TMEM240: variants seen among roughly 807,000 people sequenced by gnomAD.
TMEM240 encodes transmembrane protein C1orf70.
TMEM240 carries 3 observed loss-of-function variants against 19.5 expected under a neutral mutation model. That is an observed-to-expected ratio of 0.15 (90% CI 0.07 to 0.40). TMEM240 has a LOEUF of 0.40. Among genes scored for constraint, TMEM240 ranks in the 10% least tolerant of loss-of-function variants. The pLI is 1.00. For synonymous variants in TMEM240, 123 were observed against 109.3 expected, an observed-to-expected ratio of 1.13 and a Z score of -0.78; for missense variants, 210 against 253.5, an observed-to-expected ratio of 0.83 and a Z score of 1.17.
At chr1:1,539,581 G>T in intron 2 of TMEM240, 103 bp downstream of exon 2, 1 of 1,025,480 alleles carries the variant, frequency 9.8e-7, no homozygotes, top group Non-Finnish European at 1.4e-6. Context: ...AAGGGTGGAA[G>T]GCGGCTCGCG....
intron 2 of TMEM240, 30 bp downstream of exon 2, chr1:1,539,654 G>A: frequency 3.9e-6 from 6 of 1,529,650 alleles, no homozygotes; most frequent in Non-Finnish European, 5.3e-6. Flanking sequence ...GCGCTCACGC[G>A]TGTCGAGCCG....
chr1:1,536,698 T>C lies in TMEM240; in HGVS notation c.165-901A>G, dbSNP rs1642228659. 6.6e-6 allele frequency among the ~76,000 whole-genome samples: 1 copy of C among 152,042 alleles called. No individual in the cohort carries two copies. The highest frequency in any genetic ancestry group is 2.1e-4 in the South Asian group (1 of 4,830). On this transcript the variant is annotated intron_variant, in intron 2 of 3. Coordinates refer to ENST00000378733, the MANE Select transcript of TMEM240 (RefSeq NM_001114748.2). The surrounding 1 kb of genome is among the most constrained non-coding windows in gnomAD (Gnocchi z 5.4). ...GGTCTCCGGGCCTTGACTCTGCCGA[T>C]CGGACTGGCATCCCAGACAGTCAAC... is the stretch of plus-strand genomic sequence containing the variant.
At chr1:1,538,487 C>T (rs983998581) in intron 2 of TMEM240, among the ~76,000 whole-genome samples, 10 of 152,384 alleles carry the variant, frequency 6.6e-5, no homozygotes, top group African/African-American at 2.2e-4. Context: ...TGCGTGGAGG[C>T]CGCACCTTTC....
intron 2 of TMEM240, 192 bp downstream of exon 2, chr1:1,539,492 G>C: frequency 1.7e-6 from 1 of 590,434 alleles, no homozygotes; most frequent in Non-Finnish European, 3.0e-6. Flanking sequence ...TCTAGGAACG[G>C]CGTCCTAAAG....
At position 1,536,644 on chromosome 1, in the gene TMEM240, C is replaced by T. The variant is rs1423570744; in HGVS notation, c.165-847G>A. Among the ~76,000 whole-genome samples, 3 of 152,166 alleles carry T rather than the reference C, an allele frequency of 2.0e-5. No individual in the cohort carries two copies. Among genetic ancestry groups the T allele is most frequent in the Admixed American group, 1.3e-4 (2 of 15,290 alleles). ...GGCAACACAAGCTCCCCAAGGAGCT[C>T]GCCCCAGCAGCTCACCCTGTCCCAG... is the stretch of plus-strand genomic sequence containing the variant. On this transcript the variant is annotated intron_variant, in intron 2 of 3. Transcript: ENST00000378733. This position sits in a 1 kb window ranked among gnomAD's most constrained non-coding sequence, Gnocchi z 5.4.
rs1642232869 is a variant in TMEM240 at position 1,536,962 on chromosome 1, C to CA, written c.165-1166_165-1165insT. 1.3e-5 allele frequency among the ~76,000 whole-genome samples: 2 copies of CA among 152,072 alleles called. No individual in the cohort carries two copies. Among genetic ancestry groups the CA allele is most frequent in the Non-Finnish European group, 2.9e-5 (2 of 68,004 alleles). On this transcript the variant is annotated intron_variant, in intron 2 of 3. Transcript: ENST00000378733. This position sits in a 1 kb window ranked among gnomAD's most constrained non-coding sequence, Gnocchi z 5.4. ...GCAGCGCCTCAGCCTGGTTTTCAGC[C>CA]GAGACCCAGAGACCACCCCACCCTC...
chr1:1,539,387 G>T, intron 2 of TMEM240: 1 of 434,322 alleles, frequency 2.3e-6, no homozygotes. Flanking sequence ...GCTGGCTTGG[G>T]TCTCCACTGT....
chr1:1,537,685 C>T (rs1041103620), intron 2 of TMEM240, among the ~76,000 whole-genome samples: 1 of 152,220 alleles, frequency 6.6e-6, no homozygotes. Flanking sequence ...GTGTGTCCAC[C>T]TGAGGCCCAG....
chr1:1,539,381 G>C (rs560797151), intron 2 of TMEM240: 1 of 414,406 alleles, frequency 2.4e-6, no homozygotes, highest in South Asian at 2.4e-5. Context: ...GATGAGGCTG[G>C]CTTGGGTCTC....
In TMEM240 at chr1:1,540,348, G is replaced by A. The variant is rs759011408; in HGVS notation, c.-2C>T. ...CATGGTGTTCGCGCTCATGGACATC[G>A]GGCGGGGCCGGGCCGGGCCGGAGCG... On this transcript the variant is annotated 5_prime_UTR_variant, in exon 1 of 4. Coordinates refer to ENST00000378733, the MANE Select transcript of TMEM240 (RefSeq NM_001114748.2). The A allele has an allele frequency of 4.1e-6, 5 of 1,223,000 alleles. No individual in the cohort carries two copies. Among genetic ancestry groups the A allele is most frequent in the Middle Eastern group, 2.9e-4 (1 of 3,466 alleles). 75.8% of individuals were successfully genotyped at this position (1,223,000 alleles called of 1,614,324 possible).
Position 1,535,901 on chromosome 1 carries a change from T to C in TMEM240, c.165-104A>G, listed in dbSNP as rs1022838238. 3 of 488,990 alleles carry C rather than the reference T, an allele frequency of 6.1e-6. No homozygotes were observed. Among genetic ancestry groups the C allele is most frequent in the Non-Finnish European group, 1.1e-5 (3 of 272,864 alleles). 30.3% of individuals were successfully genotyped at this position (488,990 alleles called of 1,614,324 possible). A position where few individuals can be genotyped will look rare whatever the true frequency, so the allele number is the denominator to read the frequency against. On this transcript the variant is annotated intron_variant, in intron 2 of 3. Coordinates refer to ENST00000378733, the MANE Select transcript of TMEM240 (RefSeq NM_001114748.2). The surrounding 1 kb of genome is among the most constrained non-coding windows in gnomAD (Gnocchi z 8.2). ...GGGGTGTGACCGCGTCAGGCCGCCC[T>C]GGGGGTTCTCTGAAGCAGCCTCTTG...
Position 1,535,919 on chromosome 1 carries a change from G to C in TMEM240, c.165-122C>G. ...GCCGCCCTGGGGGTTCTCTGAAGCA[G>C]CCTCTTGGGCGGGCGGGTCGGGAAG... On this transcript the variant is annotated intron_variant, in intron 2 of 3. Transcript: ENST00000378733. This position sits in a 1 kb window ranked among gnomAD's most constrained non-coding sequence, Gnocchi z 8.2. 19 of 425,968 alleles carry C rather than the reference G, an allele frequency of 4.5e-5. No individual in the cohort carries two copies. Among genetic ancestry groups the C allele is most frequent in the East Asian group, 1.3e-4 (2 of 15,140 alleles). 26.4% of individuals were successfully genotyped at this position (425,968 alleles called of 1,614,324 possible).
chr1:1,537,944 A>C (rs1281214449), intron 2 of TMEM240, among the ~76,000 whole-genome samples: 1 of 152,212 alleles, frequency 6.6e-6, no homozygotes, highest in Admixed American at 6.5e-5. Context: ...CTCCACGTCA[A>C]CGTCTACGTA....
chr1:1,539,768 A>C lies in TMEM240; in HGVS notation c.80T>G (p.Met27Arg). ...VVMAIACLMD[M>R]NALLDRFHNY... ...GTGGAATCGGTCCAGCAGCGCGTTCATGTCCATCAAGCACGCGATGGCCTG... is the reference window on the plus strand; with the variant it reads ...GTGGAATCGGTCCAGCAGCGCGTTCCTGTCCATCAAGCACGCGATGGCCTG... Residue 27 changes from methionine to arginine, a missense_variant, in exon 2 of 4, where the codon ATG becomes AGG. This residue lies in a region of TMEM240 where 23 missense variants were observed against 57.7 expected (regional missense o/e 0.40). Transcript: ENST00000378733. 1 of 1,545,698 alleles carries C rather than the reference A, an allele frequency of 6.5e-7. No individual in the cohort carries two copies. Among genetic ancestry groups the C allele is most frequent in the Non-Finnish European group, 8.7e-7 (1 of 1,145,278 alleles).
At position 1,539,639 on chromosome 1, in the gene TMEM240, CAT is replaced by C. The variant is rs758432155; in HGVS notation, c.164+43_164+44del. The C allele has an allele frequency of 4.4e-5, 66 of 1,511,294 alleles. No homozygotes were observed. In the East Asian group the frequency reaches 9.1e-4, roughly 21 times the overall value. 93.6% of individuals were successfully genotyped at this position (1,511,294 alleles called of 1,614,324 possible). On this transcript the variant is annotated intron_variant, in intron 2 of 3. Coordinates refer to ENST00000378733, the MANE Select transcript of TMEM240 (RefSeq NM_001114748.2). ...CGCGCCCCGAGTGGGCCCCGCCACA[CAT>C]GTGCGCTCACGCGTGTCGAGCCGGC...
Position 1,535,297 on chromosome 1 carries a change from G to A in TMEM240, c.*62C>T. 2 of 1,515,598 alleles carry A rather than the reference G, an allele frequency of 1.3e-6. No individual in the cohort carries two copies. Among genetic ancestry groups the A allele is most frequent in the Non-Finnish European group, 8.9e-7 (1 of 1,126,858 alleles). The allele number at this position is 1,515,598 out of a possible 1,614,324, so 93.9% of individuals were successfully genotyped here. A position where few individuals can be genotyped will look rare whatever the true frequency, so the allele number is the denominator to read the frequency against. On this transcript the variant is annotated 3_prime_UTR_variant, in exon 4 of 4. Coordinates refer to ENST00000378733, the MANE Select transcript of TMEM240 (RefSeq NM_001114748.2). This position sits in a 1 kb window ranked among gnomAD's most constrained non-coding sequence, Gnocchi z 8.2. ...TCCCGCCGGCCCGGGCGTCCACGAG[G>A]TCCCTTTTACATCTGTACAGCAGCC...
At chr1:1,537,584 C>G (rs1219391600) in intron 2 of TMEM240, among the ~76,000 whole-genome samples, 1 of 152,158 alleles carries the variant, frequency 6.6e-6, no homozygotes, top group Non-Finnish European at 1.5e-5. Context: ...CAAGTGAAAG[C>G]AGGAGATAGG....
chr1:1,538,845 G>A (rs1361236194), intron 2 of TMEM240, among the ~76,000 whole-genome samples: 2 of 152,178 alleles, frequency 1.3e-5, no homozygotes, highest in Non-Finnish European at 2.9e-5. Context: ...TGACGAACAC[G>A]GGTTCTGGGC....
At chr1:1,539,427 C>T (rs1438735827) in intron 2 of TMEM240, 4 of 529,568 alleles carry the variant, frequency 7.6e-6, no homozygotes, top group East Asian at 6.9e-5. Flanking sequence ...GGCTTTCCGG[C>T]CTCCAGGCTG....
Sources: gnomAD v4.1 joint callset for allele counts (sites outside exome capture counted in the v4.1 genomes callset) on GRCh38, gnomAD v4.1.1 for gene constraint, gnomAD v4.1.1 regional missense constraint, Gnocchi (gnomAD v3.1) non-coding constraint, MANE v1.5 for transcripts, NCBI Gene and HGNC (gene_info 2026-07-23, HGNC 2026-07-21) for gene names.